The following SASS6 variants were observed in gnomAD, a reference collection of about 807,000 sequenced individuals.
The protein encoded by SASS6 is spindle assembly abnormal protein 6 homolog.
In SASS6, 59 loss-of-function variants were observed where a neutral mutation model predicts 94.9. That is an observed-to-expected ratio of 0.62 (90% CI 0.50 to 0.77). The LOEUF is 0.77. SASS6 is among the 30% of genes least tolerant of loss of function. SASS6 has a pLI of 0.00. For synonymous variants in SASS6, 264 were observed against 270.0 expected (o/e 0.98, Z 0.22); for missense variants, 698 against 734.1 (o/e 0.95, Z 0.57).
intron 13 of SASS6, among the ~76,000 whole-genome samples, chr1:100,105,181 G>C (rs543591312): frequency 6.6e-6 from 1 of 151,974 alleles, no homozygotes; most frequent in African/African-American, 2.4e-5. Flanking sequence ...AGTATATTTG[G>C]TATTACTTTA....
In SASS6 at chr1:100,085,452, A is replaced by C. The variant is rs757969116; in HGVS notation, c.1868-18T>G. The C allele has an allele frequency of 6.3e-7, 1 of 1,584,172 alleles. No homozygotes were observed. The highest frequency in any genetic ancestry group is 8.7e-7 in the Non-Finnish European group (1 of 1,152,858). Reference sequence around the variant, plus strand: ...CTGATGGTCTGCAAATGAGGACAAAAAAAGGTTACTGGTATTCATTAAGTC... The same window carrying C: ...CTGATGGTCTGCAAATGAGGACAAACAAAGGTTACTGGTATTCATTAAGTC... On this transcript the variant is annotated intron_variant, in intron 16 of 16. Transcript: ENST00000287482.
intron 13 of SASS6, among the ~76,000 whole-genome samples, chr1:100,103,527 A>C (rs1036206317): frequency 6.6e-6 from 1 of 152,162 alleles, no homozygotes; most frequent in Non-Finnish European, 1.5e-5. Flanking sequence ...TTTGCCACTA[A>C]TTTTCAATAT....
chr1:100,088,072 T>C, intron 15 of SASS6, 67 bp downstream of exon 15: 2 of 799,070 alleles, frequency 2.5e-6, no homozygotes, highest in South Asian at 2.9e-5. Flanking sequence ...TCTCAAGCAC[T>C]GATAAAAATT....
chr1:100,094,531 A>G (rs1313541011), intron 14 of SASS6, among the ~76,000 whole-genome samples: 1 of 152,206 alleles, frequency 6.6e-6, no homozygotes, highest in Non-Finnish European at 1.5e-5. Context: ...ATGCTTTATG[A>G]ACATGGACAC....
chr1:100,119,712 C>T (rs1654034811), intron 6 of SASS6, among the ~76,000 whole-genome samples: 2 of 152,148 alleles, frequency 1.3e-5, no homozygotes, highest in Non-Finnish European at 2.9e-5. Flanking sequence ...TGTTTAAAAG[C>T]ATGTGGTACC....
chr1:100,108,591 C>T (rs1653084774), intron 8 of SASS6, among the ~76,000 whole-genome samples: 1 of 151,996 alleles, frequency 6.6e-6, no homozygotes, highest in Non-Finnish European at 1.5e-5. Context: ...CCAAATGCTG[C>T]TGGTATATGA....
chr1:100,104,440 T>C (rs192716616), intron 13 of SASS6, among the ~76,000 whole-genome samples: 1 of 152,200 alleles, frequency 6.6e-6, no homozygotes, highest in African/African-American at 2.4e-5. Flanking sequence ...CCTCTGAATG[T>C]AAGAAGCTGC....
At chr1:100,117,951 G>A (rs937661018) in intron 7 of SASS6, among the ~76,000 whole-genome samples, 3 of 151,652 alleles carry the variant, frequency 2.0e-5, no homozygotes, top group Non-Finnish European at 4.4e-5. Context: ...ATTAAAAGAT[G>A]CTTATCTTCA....
In SASS6 at chr1:100,121,525, T is replaced by C. The variant is rs372541221; in HGVS notation, c.336A>G (p.Pro112=). 5.6e-6 allele frequency: 9 copies of C among 1,593,310 alleles called. No individual in the cohort carries two copies. The highest frequency in any genetic ancestry group is 2.7e-5 in the African/African-American group (2 of 74,114). The change falls in exon 5 of 17, where the codon CCA becomes CCG. Residue 112 remains proline, a synonymous_variant. Coordinates refer to ENST00000287482, the MANE Select transcript of SASS6 (RefSeq NM_194292.3). ...IPRFLLQLVS[P]AAILDNSPAF... ...CAGGTGAGTTATCCAAAATAGCTGC[T>C]GGAGAAACTAACTGTAGCAAAAACC...
chr1:100,102,843 A>G (rs965488221), intron 14 of SASS6, 112 bp downstream of exon 14: 1 of 767,062 alleles, frequency 1.3e-6, no homozygotes, highest in Non-Finnish European at 2.2e-6. Flanking sequence ...TACACTACCT[A>G]CTACTTAACA....
At chr1:100,097,982 T>C (rs1652223771) in intron 14 of SASS6, among the ~76,000 whole-genome samples, 1 of 152,152 alleles carries the variant, frequency 6.6e-6, no homozygotes, top group South Asian at 2.1e-4. Flanking sequence ...GGCACTAGGG[T>C]ACTTTTAGGG....
At chr1:100,130,671 A>C (rs1351953885) in intron 1 of SASS6, among the ~76,000 whole-genome samples, 1 of 142,384 alleles carries the variant, frequency 7.0e-6, no homozygotes, top group Non-Finnish European at 1.5e-5. Context: ...TCTGGGCAAC[A>C]GAGCGAGACT....
intron 14 of SASS6, among the ~76,000 whole-genome samples, chr1:100,099,796 T>C (rs1298997739): frequency 6.6e-6 from 1 of 152,234 alleles, no homozygotes; most frequent in African/African-American, 2.4e-5. Context: ...GACCATTGTG[T>C]ACGGCATTTC....
At chr1:100,120,096 A>C (rs903114543) in intron 6 of SASS6, among the ~76,000 whole-genome samples, 1 of 152,368 alleles carries the variant, frequency 6.6e-6, no homozygotes, top group Middle Eastern at 3.4e-3. Context: ...AATGAGGCGA[A>C]CAAGTGGGGA....
At chr1:100,104,948 G>A (rs796556052) in intron 13 of SASS6, among the ~76,000 whole-genome samples, 19 of 151,794 alleles carry the variant, frequency 1.3e-4, no homozygotes, top group African/African-American at 4.3e-4. Flanking sequence ...GTGAGGTCTT[G>A]TCTCAAAAGA....
chr1:100,116,965 A>G (rs1311303315), intron 7 of SASS6, among the ~76,000 whole-genome samples: 1 of 152,156 alleles, frequency 6.6e-6, no homozygotes, highest in South Asian at 2.1e-4. Context: ...AGCATCTAGT[A>G]AAGTACATAA....
chr1:100,110,996 CCAA>C (rs1388976199), intron 7 of SASS6, among the ~76,000 whole-genome samples: 1 of 151,928 alleles, frequency 6.6e-6, no homozygotes, highest in African/African-American at 2.4e-5. Context: ...GTCATTTTTA[CCAA>C]CAATAAAATT....
intron 1 of SASS6, among the ~76,000 whole-genome samples, chr1:100,126,488 T>A (rs191904201): frequency 6.6e-6 from 1 of 152,200 alleles, no homozygotes; most frequent in Admixed American, 6.5e-5. Flanking sequence ...TTTAAAAACT[T>A]AGTATGTGGC....
chr1:100,107,592 A>C (rs1653004165), intron 10 of SASS6, 36 bp downstream of exon 10: 1 of 1,550,378 alleles, frequency 6.5e-7, no homozygotes, highest in South Asian at 1.2e-5. Flanking sequence ...TATGTAATTT[A>C]ATGAAATACT....
Sources: gnomAD v4.1 joint callset for allele counts (sites outside exome capture counted in the v4.1 genomes callset) on GRCh38, gnomAD v4.1.1 for gene constraint, MANE v1.5 for transcripts, NCBI Gene and HGNC (gene_info 2026-07-23, HGNC 2026-07-21) for gene names.